Variants in GLMN observed in about 807,000 individuals in gnomAD.
The protein encoded by GLMN is glomulin, FKBP associated protein.
GLMN carries 75 observed loss-of-function variants against 87.8 expected under a neutral mutation model. That is an observed-to-expected ratio of 0.85 (90% confidence interval 0.71 to 1.04). The LOEUF (loss-of-function observed/expected upper bound fraction) is 1.04. Among genes scored for constraint, GLMN ranks in the 50% least tolerant of loss-of-function variants. The pLI is 0.00. For missense variants in GLMN, 588 were observed against 658.8 expected (o/e 0.89, Z 1.18); for synonymous variants, 206 against 221.6 (o/e 0.93, Z 0.63).
chr1:92,279,597 G>C (rs1189276995), intron 7 of GLMN, among the ~76,000 whole-genome samples: 1 of 152,108 alleles, frequency 6.6e-6, no homozygotes, highest in Non-Finnish European at 1.5e-5. Context: ...ACCTCACTGG[G>C]ACTGGTTGGA....
the GLMN span, among the ~76,000 whole-genome samples, chr1:92,310,078 T>C: frequency 6.6e-6 from 1 of 152,246 alleles, no homozygotes; most frequent in Non-Finnish European, 1.5e-5. Context: ...CTATTTATTA[T>C]ATTCCACTTG....
At chr1:92,288,610 T>A (rs1269719631) in intron 6 of GLMN, among the ~76,000 whole-genome samples, 1 of 152,148 alleles carries the variant, frequency 6.6e-6, no homozygotes, top group African/African-American at 2.4e-5. Context: ...AATTTTTTTA[T>A]AGAGATGGGG....
chr1:92,359,681 G>C, the GLMN span, among the ~76,000 whole-genome samples: 1 of 152,212 alleles, frequency 6.6e-6, no homozygotes, highest in East Asian at 1.9e-4. Flanking sequence ...TTAAGATTTA[G>C]GCAGATTATC....
intron 5 of GLMN, among the ~76,000 whole-genome samples, chr1:92,289,491 G>T (rs1181516593): frequency 6.6e-6 from 1 of 152,114 alleles, no homozygotes; most frequent in Non-Finnish European, 1.5e-5. Flanking sequence ...CAAATAGGAG[G>T]TGGTATTATT....
the GLMN span, among the ~76,000 whole-genome samples, chr1:92,305,426 C>T: frequency 3.8e-5 from 2 of 52,954 alleles, no homozygotes; most frequent in African/African-American, 3.7e-4. Context: ...GAGTGAGGCT[C>T]CGTCTCAAAA....
intron 11 of GLMN, among the ~76,000 whole-genome samples, chr1:92,267,113 C>T (rs1249523287): frequency 6.6e-6 from 1 of 152,184 alleles, no homozygotes; most frequent in Non-Finnish European, 1.5e-5. Flanking sequence ...AGTTCCCACA[C>T]TGAAATCTAA....
the GLMN span, among the ~76,000 whole-genome samples, chr1:92,308,123 G>A: frequency 5.7e-4 from 86 of 151,820 alleles, 1 homozygote; most frequent in African/African-American, 2.0e-3. Context: ...TGCGTAAGGC[G>A]ATGTAACACC....
At chr1:92,304,264 C>T in the GLMN span, 3,214 of 1,399,260 alleles carry the variant, frequency 2.3e-3, 11 homozygotes, top group Non-Finnish European at 2.7e-3. Flanking sequence ...CTTTTGTAAG[C>T]TGTACTTTCT....
At chr1:92,359,448 T>C in the GLMN span, among the ~76,000 whole-genome samples, 1 of 152,162 alleles carries the variant, frequency 6.6e-6, no homozygotes, top group South Asian at 2.1e-4. Context: ...GCCTCCGAAG[T>C]AGTTGGGATT....
chr1:92,332,757 G>T, the GLMN span, among the ~76,000 whole-genome samples: 1 of 152,214 alleles, frequency 6.6e-6, no homozygotes, highest in East Asian at 1.9e-4. Context: ...CTGCCTTCTT[G>T]AAGGATACCC....
At chr1:92,286,402 TAATG>T (rs1648752750) in intron 7 of GLMN, 84 bp downstream of exon 7, 4 of 662,020 alleles carry the variant, frequency 6.0e-6, no homozygotes, top group Admixed American at 2.5e-5. Context: ...ATTTCTTTAT[TAATG>T]AATGTATCAA....
chr1:92,346,004 T>G, the GLMN span: 1 of 906,536 alleles, frequency 1.1e-6, no homozygotes, highest in South Asian at 1.5e-5. Context: ...TTTTGTAAAC[T>G]GCCTTGGAAA....
chr1:92,309,180 ACACCTGTAATCCC>A, the GLMN span, among the ~76,000 whole-genome samples: 1 of 152,134 alleles, frequency 6.6e-6, no homozygotes, highest in Non-Finnish European at 1.5e-5. Flanking sequence ...GTGGTGGCTT[ACACCTGTAATCCC>A]AGCACTTTGG....
In GLMN at chr1:92,289,021, C is replaced by T. The variant is rs1330299755; in HGVS notation, c.525G>A (p.Gln175=). Reference sequence around the variant, plus strand: ...TGAACTCTATTAAGGCCTTGCAACACTGACAAAGGCCATAGTCATCCATTT... The same window carrying T: ...TGAACTCTATTAAGGCCTTGCAACATTGACAAAGGCCATAGTCATCCATTT... The part of the protein sequence containing the change: ...QIQMDDYGLC[Q]CCKALIEFTK... The change falls in exon 6 of 19, where the codon CAG becomes CAA. Residue 175 remains glutamine, a synonymous_variant. Transcript: ENST00000370360. 6.2e-7 allele frequency: 1 copy of T among 1,608,286 alleles called. No homozygotes were observed. Among genetic ancestry groups the T allele is most frequent in the African/African-American group, 1.3e-5 (1 of 74,938 alleles).
At chr1:92,260,871 A>T (rs1311948535) in intron 16 of GLMN, among the ~76,000 whole-genome samples, 1 of 151,850 alleles carries the variant, frequency 6.6e-6, no homozygotes, top group Non-Finnish European at 1.5e-5. Flanking sequence ...TATGGATAGT[A>T]TAGCAGACAT....
chr1:92,258,472 T>C (rs1654554458), intron 16 of GLMN, among the ~76,000 whole-genome samples: 1 of 152,338 alleles, frequency 6.6e-6, no homozygotes, highest in East Asian at 1.9e-4. Context: ...ACTGCAGCAC[T>C]ATTCACAATA....
the GLMN span, among the ~76,000 whole-genome samples, chr1:92,315,914 T>A: frequency 6.6e-6 from 1 of 152,202 alleles, no homozygotes; most frequent in Non-Finnish European, 1.5e-5. Context: ...CTGTGATGCT[T>A]CTCATCTTGT....
At chr1:92,254,073 A>G (rs757545495) in intron 16 of GLMN, among the ~76,000 whole-genome samples, 40 of 152,230 alleles carry the variant, frequency 2.6e-4, no homozygotes, top group Admixed American at 5.2e-4. Context: ...AAGAACATAA[A>G]TGACCTGATG....
chr1:92,275,476 C>T (rs1366404611), intron 7 of GLMN, among the ~76,000 whole-genome samples: 4 of 152,136 alleles, frequency 2.6e-5, no homozygotes, highest in Non-Finnish European at 5.9e-5. Context: ...ACAGTTTGCA[C>T]CCCAACAGCT....
Sources: gnomAD v4.1 joint callset for allele counts (sites outside exome capture counted in the v4.1 genomes callset) on GRCh38, gnomAD v4.1.1 for gene constraint, MANE v1.5 for transcripts, NCBI Gene and HGNC (gene_info 2026-07-23, HGNC 2026-07-21) for gene names.